Variants in PCDH15 observed in about 807,000 individuals in gnomAD.
PCDH15 encodes the protein protocadherin related 15, also known as protocadherin-15.
PCDH15 carries 129 observed loss-of-function variants against 178.5 expected under a neutral mutation model. The ratio of observed to expected loss-of-function variants is 0.72; its 90% CI spans 0.63 to 0.84. The LOEUF (loss-of-function observed/expected upper bound fraction) is 0.84, where lower values mean the gene tolerates loss of function less well. Among genes scored for constraint, PCDH15 ranks in the 40% least tolerant of loss-of-function variants. The pLI is 0.00. For missense variants in PCDH15, 2,230 were observed against 2,099.9 expected (o/e 1.06, Z -1.21); for synonymous variants, 800 against 732.0 (o/e 1.09, Z -1.50).
intron 2 of PCDH15, among the ~76,000 whole-genome samples, chr10:55,071,037 C>T (rs1841729792): frequency 6.6e-6 from 1 of 152,182 alleles, no homozygotes; most frequent in South Asian, 2.1e-4. Context: ...ACTTTACAGA[C>T]AAGCAAATGC....
chr10:54,192,511 G>A (rs1430553202), intron 11 of PCDH15, among the ~76,000 whole-genome samples: 1 of 152,138 alleles, frequency 6.6e-6, no homozygotes, highest in Non-Finnish European at 1.5e-5. Flanking sequence ...AAGACTTCTA[G>A]GATTCTAGGT....
intron 1 of PCDH15, among the ~76,000 whole-genome samples, chr10:54,696,989 C>T (rs1453754312): frequency 6.6e-6 from 1 of 152,038 alleles, no homozygotes; most frequent in Non-Finnish European, 1.5e-5. Context: ...CTATGTTGCC[C>T]AGACTGGACT....
At chr10:55,318,468 A>C (rs1236513845) in intron 1 of PCDH15, among the ~76,000 whole-genome samples, 1 of 152,184 alleles carries the variant, frequency 6.6e-6, no homozygotes, top group Non-Finnish European at 1.5e-5. Flanking sequence ...CAAAATTTGG[A>C]AAGAGTGATA....
At chr10:55,207,089 T>G (rs1318536761) in intron 1 of PCDH15, among the ~76,000 whole-genome samples, 1 of 152,060 alleles carries the variant, frequency 6.6e-6, no homozygotes, top group Non-Finnish European at 1.5e-5. Context: ...AATCATCAAA[T>G]TAAGCACCTC....
At chr10:54,758,751 G>A (rs1332740418) in intron 1 of PCDH15, among the ~76,000 whole-genome samples, 1 of 152,174 alleles carries the variant, frequency 6.6e-6, no homozygotes, top group African/African-American at 2.4e-5. Context: ...CTTTTGGGTT[G>A]TGTTTGGAAC....
intron 1 of PCDH15, among the ~76,000 whole-genome samples, chr10:55,312,224 G>A (rs974745400): frequency 6.6e-6 from 1 of 152,118 alleles, no homozygotes; most frequent in Middle Eastern, 3.2e-3. Context: ...ACTTTACTCT[G>A]TCAGTTAGCT....
At chr10:54,260,576 CTTTTATGTTTCTTTCTTTTTT>C (rs1238189457) in intron 8 of PCDH15, among the ~76,000 whole-genome samples, 1 of 151,792 alleles carries the variant, frequency 6.6e-6, no homozygotes, top group African/African-American at 2.4e-5. Flanking sequence ...GATTTTTATG[CTTTTATGTTTCTTTCTTTTTT>C]TGAGACAGAG....
chr10:53,991,990 C>G (rs545012833), intron 21 of PCDH15, among the ~76,000 whole-genome samples: 13 of 152,180 alleles, frequency 8.5e-5, no homozygotes, highest in African/African-American at 2.7e-4. Context: ...AAGCGTTGTT[C>G]TTTTGCTCTT....
At chr10:54,339,819 C>T (rs1941898195) in intron 6 of PCDH15, among the ~76,000 whole-genome samples, 1 of 152,120 alleles carries the variant, frequency 6.6e-6, no homozygotes, top group Non-Finnish European at 1.5e-5. Context: ...GTCTGATCAC[C>T]CTGACTTGTC....
At chr10:54,332,592 G>C (rs1451836439) in intron 6 of PCDH15, among the ~76,000 whole-genome samples, 7 of 150,726 alleles carry the variant, frequency 4.6e-5, no homozygotes. Context: ...CCTCTTAAAT[G>C]TAATTTAGAC....
At chr10:54,175,621 A>T (rs2047358815) in intron 13 of PCDH15, among the ~76,000 whole-genome samples, 1 of 152,140 alleles carries the variant, frequency 6.6e-6, no homozygotes, top group Admixed American at 6.5e-5. Flanking sequence ...AAAGATTGGA[A>T]AACTGAGGTA....
At chr10:54,975,054 G>A (rs1028066540) in intron 2 of PCDH15, among the ~76,000 whole-genome samples, 2 of 152,160 alleles carry the variant, frequency 1.3e-5, no homozygotes, top group Admixed American at 6.5e-5. Flanking sequence ...CACCCTAAAA[G>A]TGACTAATTT....
chr10:54,554,416 A>T lies in PCDH15; in HGVS notation c.92-26539T>A, dbSNP rs549445068. On this transcript the variant is annotated intron_variant, in intron 2 of 37. Coordinates refer to ENST00000644397, the MANE Select transcript of PCDH15 (RefSeq NM_001384140.1). Reference sequence around the variant, plus strand: ...TATCGTAGGTTTCCCAGATCTACGTAAGTGATTCTTATGTTAGTAAGAAAA... The same window carrying T: ...TATCGTAGGTTTCCCAGATCTACGTTAGTGATTCTTATGTTAGTAAGAAAA... Among the ~76,000 whole-genome samples, 3 of 152,334 alleles carry T rather than the reference A, an allele frequency of 2.0e-5. No homozygotes were observed. The South Asian group carries it at 6.2e-4, about 32-fold the overall frequency.
Position 55,253,406 on chromosome 10 carries a change from A to G in PCDH15, c.-156+66193T>C, listed in dbSNP as rs796702637. 2.3e-4 allele frequency among the ~76,000 whole-genome samples: 35 copies of G among 152,246 alleles called. 1 individual carries two copies. The highest frequency in any genetic ancestry group is 7.5e-4 in the African/African-American group (31 of 41,552). On this transcript the variant is annotated intron_variant, in intron 1 of 5. Transcript: ENST00000458638. ...CTCATATCTGTATAGTTTGATTCCT[A>G]TGCTTTCTAAAATTTTACTACCTAA...
intron 2 of PCDH15, among the ~76,000 whole-genome samples, chr10:54,529,047 G>T (rs1305076309): frequency 6.6e-6 from 1 of 151,958 alleles, no homozygotes. Flanking sequence ...TTCCAAATTT[G>T]TGTGTTATTT....
chr10:54,750,223 G>C (rs1481527350), intron 1 of PCDH15, among the ~76,000 whole-genome samples: 2 of 151,956 alleles, frequency 1.3e-5, no homozygotes, highest in East Asian at 3.9e-4. Context: ...AAACCGTAGA[G>C]ATGGCTTATA....
At chr10:54,392,404 T>G (rs1456993676) in intron 3 of PCDH15, among the ~76,000 whole-genome samples, 3 of 130,274 alleles carry the variant, frequency 2.3e-5, no homozygotes, top group East Asian at 2.5e-4. Context: ...AGGACTATGT[T>G]GCAGTCAGGC....
rs200598430 is a variant in PCDH15, at chr10:54,169,849, C to T, written c.1590+13595G>A. 8.6e-3 allele frequency among the ~76,000 whole-genome samples: 1,308 copies of T among 151,796 alleles called. 11 individuals are homozygous for T. Among genetic ancestry groups the T allele is most frequent in the Non-Finnish European group, 0.011 (779 of 67,922 alleles). ...AACTCTCCTTACAATTCCCCCATTT[C>T]ACCTGTCCTAAAACCAGATAAGCCT... On this transcript the variant is annotated intron_variant, in intron 13 of 37. Coordinates refer to ENST00000644397, the MANE Select transcript of PCDH15 (RefSeq NM_001384140.1).
At chr10:54,893,851 T>C (rs957294023) in intron 3 of PCDH15, among the ~76,000 whole-genome samples, 2 of 152,084 alleles carry the variant, frequency 1.3e-5, no homozygotes, top group Non-Finnish European at 2.9e-5. Flanking sequence ...TCTTAGAATG[T>C]GACTATAGGG....
Sources: gnomAD v4.1 joint callset for allele counts (sites outside exome capture counted in the v4.1 genomes callset) on GRCh38, gnomAD v4.1.1 for gene constraint, MANE v1.5 for transcripts, NCBI Gene and HGNC (gene_info 2026-07-23, HGNC 2026-07-21) for gene names.